The following SLC9A9 variants were observed in gnomAD, a reference collection of about 807,000 sequenced individuals.
SLC9A9 encodes the protein solute carrier family 9 member A9.
Under a neutral mutation model 77.8 loss-of-function variants are expected in SLC9A9, and 62 were observed. That is an observed-to-expected ratio of 0.80 (90% CI 0.65 to 0.98). The LOEUF (loss-of-function observed/expected upper bound fraction) is 0.98, where lower values mean the gene tolerates loss of function less well. SLC9A9 is among the 50% of genes least tolerant of loss of function. The pLI is 0.00. For synonymous variants in SLC9A9, 320 were observed against 283.5 expected, an observed-to-expected ratio of 1.13 and a Z score of -1.29; for missense variants, 775 against 774.9, an observed-to-expected ratio of 1.00 and a Z score of 0.00.
At chr3:143,631,582 C>G (rs892553385) in intron 6 of SLC9A9, among the ~76,000 whole-genome samples, 5 of 152,022 alleles carry the variant, frequency 3.3e-5, no homozygotes, top group Admixed American at 2.0e-4. Flanking sequence ...AATATATTGC[C>G]TTTCCTCTTA....
At chr3:143,752,360 T>C (rs912936447) in intron 4 of SLC9A9, among the ~76,000 whole-genome samples, 1 of 152,192 alleles carries the variant, frequency 6.6e-6, no homozygotes, top group African/African-American at 2.4e-5. Context: ...CTAGTAAGTC[T>C]CCAGATGAGA....
At chr3:143,744,566 G>A (rs963636915) in intron 4 of SLC9A9, among the ~76,000 whole-genome samples, 3 of 152,070 alleles carry the variant, frequency 2.0e-5, no homozygotes, top group African/African-American at 7.2e-5. Flanking sequence ...CCCTGCTTGC[G>A]ATTTTCTCAT....
chr3:143,267,019 T>A, intron 15 of SLC9A9, 90 bp from the exon 16 acceptor site: 1 of 1,190,434 alleles, frequency 8.4e-7, no homozygotes, highest in Non-Finnish European at 1.2e-6. Flanking sequence ...TTAAACAGAA[T>A]GCATGTTTTC....
Position 143,449,845 on chromosome 3 carries a change from A to T in SLC9A9, c.1469+17192T>A, listed in dbSNP as rs867009357. ...TTACATATATAATTATATGTATTAT[A>T]TATATATAATTATATATATAAAATA... On this transcript the variant is annotated intron_variant, in intron 12 of 15. Coordinates refer to ENST00000316549, the MANE Select transcript of SLC9A9 (RefSeq NM_173653.4). Among the ~76,000 whole-genome samples the T allele has an allele frequency of 4.4e-4, 22 of 50,364 alleles. 2 individuals are homozygous for T. Among genetic ancestry groups the T allele is most frequent in the East Asian group, 1.5e-3 (2 of 1,368 alleles). 33.0% of individuals were successfully genotyped at this position (50,364 alleles called of 152,430 possible).
intron 12 of SLC9A9, among the ~76,000 whole-genome samples, chr3:143,462,432 C>T (rs374010506): frequency 2.6e-5 from 4 of 152,078 alleles, no homozygotes; most frequent in African/African-American, 4.8e-5. Context: ...CTGCAATAGA[C>T]GTAAGTCAAT....
intron 14 of SLC9A9, among the ~76,000 whole-genome samples, chr3:143,289,633 C>G (rs1286589106): frequency 2.0e-5 from 3 of 152,174 alleles, no homozygotes; most frequent in Non-Finnish European, 4.4e-5. Flanking sequence ...TAAGTTCTGT[C>G]TACTCCACCT....
chr3:143,274,029 A>G (rs146677369), intron 14 of SLC9A9, among the ~76,000 whole-genome samples: 3 of 152,170 alleles, frequency 2.0e-5, no homozygotes, highest in African/African-American at 4.8e-5. Context: ...CAGTTGTTGC[A>G]TCTTGTCTAA....
chr3:143,621,836 G>A (rs945683961), intron 6 of SLC9A9, among the ~76,000 whole-genome samples: 2 of 152,046 alleles, frequency 1.3e-5, no homozygotes, highest in African/African-American at 4.8e-5. Context: ...GAGAAAGTTC[G>A]AACCCATGGC....
intron 4 of SLC9A9, among the ~76,000 whole-genome samples, chr3:143,724,358 G>A (rs571286808): frequency 2.6e-5 from 4 of 152,276 alleles, no homozygotes; most frequent in African/African-American, 7.2e-5. Flanking sequence ...CATGCTTCCT[G>A]TTAAGCCTGC....
At chr3:143,481,611 TA>T (rs2035575672) in intron 11 of SLC9A9, among the ~76,000 whole-genome samples, 1 of 152,236 alleles carries the variant, frequency 6.6e-6, no homozygotes, top group Non-Finnish European at 1.5e-5. Flanking sequence ...GAATTGAGAT[TA>T]TGTTCTGAAA....
intron 14 of SLC9A9, among the ~76,000 whole-genome samples, chr3:143,346,536 C>A (rs1371325185): frequency 6.6e-6 from 1 of 152,204 alleles, no homozygotes; most frequent in Non-Finnish European, 1.5e-5. Context: ...CCTGTAATCC[C>A]AGCACTTTGG....
intron 6 of SLC9A9, among the ~76,000 whole-genome samples, chr3:143,629,000 G>A (rs748932814): frequency 3.1e-4 from 47 of 152,058 alleles, no homozygotes; most frequent in Non-Finnish European, 1.2e-4. Context: ...CTACACTATC[G>A]AAATTTAACT....
chr3:143,508,609 C>T (rs547378142), intron 9 of SLC9A9, among the ~76,000 whole-genome samples: 2 of 152,258 alleles, frequency 1.3e-5, no homozygotes, highest in African/African-American at 4.8e-5. Flanking sequence ...TTTCTGAATT[C>T]GGTAGTTTTA....
chr3:143,663,169 A>C (rs1196549350), intron 5 of SLC9A9, among the ~76,000 whole-genome samples: 1 of 152,190 alleles, frequency 6.6e-6, no homozygotes, highest in Non-Finnish European at 1.5e-5. Context: ...ACCCAGGCAA[A>C]CAGGGTCTGC....
intron 4 of SLC9A9, among the ~76,000 whole-genome samples, chr3:143,696,583 G>A (rs1393589740): frequency 1.3e-5 from 2 of 152,282 alleles, no homozygotes; most frequent in East Asian, 1.9e-4. Flanking sequence ...TCTGGCATTA[G>A]CCCAACTTCA....
Position 143,378,683 on chromosome 3 carries a change from T to C in SLC9A9, c.1524+3377A>G, listed in dbSNP as rs553364407. Among the ~76,000 whole-genome samples the C allele has an allele frequency of 5.3e-5, 8 of 152,330 alleles. No homozygotes were observed. The East Asian group carries it at 1.5e-3, about 29-fold the overall frequency. ...GTGCTTTCAAGTACAAGGAATCAAT[T>C]ACAAGGGAAACTTCCTGTTGTGTGG... is the stretch of plus-strand genomic sequence containing the variant. On this transcript the variant is annotated intron_variant, in intron 13 of 15. Coordinates refer to ENST00000316549, the MANE Select transcript of SLC9A9 (RefSeq NM_173653.4).
At chr3:143,672,137 T>C (rs1438993248) in intron 5 of SLC9A9, among the ~76,000 whole-genome samples, 1 of 152,216 alleles carries the variant, frequency 6.6e-6, no homozygotes, top group Non-Finnish European at 1.5e-5. Context: ...GTCTTTGTTC[T>C]CTAAGCCAGC....
chr3:143,841,123 T>C (rs891146914), intron 1 of SLC9A9, among the ~76,000 whole-genome samples: 6 of 152,180 alleles, frequency 3.9e-5, no homozygotes, highest in African/African-American at 1.4e-4. Flanking sequence ...CTGTTGATTA[T>C]CAGCAAGTTA....
At chr3:143,734,345 G>A (rs1235736123) in intron 4 of SLC9A9, among the ~76,000 whole-genome samples, 1 of 152,128 alleles carries the variant, frequency 6.6e-6, no homozygotes, top group Non-Finnish European at 1.5e-5. Flanking sequence ...ACTGATTTAT[G>A]TGTGTGCCTG....
Sources: gnomAD v4.1 joint callset for allele counts (sites outside exome capture counted in the v4.1 genomes callset) on GRCh38, gnomAD v4.1.1 for gene constraint, MANE v1.5 for transcripts, NCBI Gene and HGNC (gene_info 2026-07-23, HGNC 2026-07-21) for gene names.